The following NLGN1 variants were observed in gnomAD, a reference collection of about 807,000 sequenced individuals.
The protein encoded by NLGN1 is neuroligin-1.
Under a neutral mutation model 65.5 loss-of-function variants are expected in NLGN1, and 12 were observed. That is an observed-to-expected ratio of 0.18 (90% CI 0.12 to 0.30). NLGN1 has a LOEUF of 0.30. Ranked by LOEUF, NLGN1 falls within the 10% of genes least tolerant of loss-of-function variation. The pLI is 1.00. For synonymous variants in NLGN1, 350 were observed against 359.5 expected, an observed-to-expected ratio of 0.97 and a Z score of 0.30; for missense variants, 750 against 1,007.1, an observed-to-expected ratio of 0.74 and a Z score of 3.46.
intron 2 of NLGN1, among the ~76,000 whole-genome samples, chr3:173,539,669 A>ACATATATAACATACATATATGTG (rs1738247241): frequency 7.1e-6 from 1 of 141,108 alleles, no homozygotes; most frequent in African/African-American, 2.7e-5. Flanking sequence ...GTATATATGC[A>ACATATATAACATACATATATGTG]CATATATAAC....
At chr3:173,604,503 T>A in exon 3 of NLGN1, 2 of 1,329,112 alleles carry the variant, frequency 1.5e-6, no homozygotes. Context: ...CTGTAAGAAA[T>A]CGGAGGTATA....
At chr3:173,492,330 T>C (rs1469652171) in intron 2 of NLGN1, among the ~76,000 whole-genome samples, 1 of 151,834 alleles carries the variant, frequency 6.6e-6, no homozygotes. Context: ...ATAGAATCAT[T>C]TAATGAGCCT....
intron 4 of NLGN1, among the ~76,000 whole-genome samples, chr3:174,176,326 C>T (rs1729437317): frequency 6.6e-6 from 1 of 151,772 alleles, no homozygotes; most frequent in African/African-American, 2.4e-5. Flanking sequence ...AGGATTTTTA[C>T]AATAAAAATC....
intron 3 of NLGN1, among the ~76,000 whole-genome samples, chr3:173,650,354 C>T (rs985228340): frequency 6.6e-6 from 1 of 152,016 alleles, no homozygotes; most frequent in Non-Finnish European, 1.5e-5. Context: ...AGATATAGAT[C>T]TGGAATAGAT....
chr3:173,478,836 A>C (rs561300534), intron 2 of NLGN1, among the ~76,000 whole-genome samples: 1 of 152,054 alleles, frequency 6.6e-6, no homozygotes, highest in African/African-American at 2.4e-5. Context: ...CAGTGAGCTG[A>C]GATTGAGAAT....
intron 4 of NLGN1, among the ~76,000 whole-genome samples, chr3:174,262,276 G>T: frequency 1.1e-5 from 1 of 95,058 alleles, no homozygotes. Context: ...GTTCCTCCTT[G>T]TACCTCTGGT....
At chr3:173,800,338 G>A in intron 3 of NLGN1, 3 of 1,214,346 alleles carry the variant, frequency 2.5e-6, no homozygotes, top group South Asian at 1.4e-5. Flanking sequence ...GATAATGACG[G>A]TGCTGAAGAT....
chr3:173,721,177 C>T (rs1770776379), intron 3 of NLGN1, among the ~76,000 whole-genome samples: 1 of 152,164 alleles, frequency 6.6e-6, no homozygotes. Flanking sequence ...TTACAAGTTA[C>T]TTAGGAGAAA....
chr3:173,978,220 C>A (rs1717949170), intron 4 of NLGN1, among the ~76,000 whole-genome samples: 1 of 152,058 alleles, frequency 6.6e-6, no homozygotes, highest in Admixed American at 6.6e-5. Context: ...CACTAAGGAC[C>A]AAATGTCTCT....
chr3:173,862,505 C>CAAAAAAAAAAAAAAAAAAAA (rs10601211), intron 4 of NLGN1, among the ~76,000 whole-genome samples: 1 of 41,708 alleles, frequency 2.4e-5, no homozygotes, highest in Non-Finnish European at 4.9e-5. Context: ...GACTCCGTCT[C>CAAAAAAAAAAAAAAAAAAAA]AAAAAAAAAA....
intron 2 of NLGN1, among the ~76,000 whole-genome samples, chr3:173,566,078 A>G (rs1743610523): frequency 6.6e-6 from 1 of 152,192 alleles, no homozygotes; most frequent in Admixed American, 6.5e-5. Context: ...GCCTATACGG[A>G]GTGAGGTATT....
chr3:173,474,939 C>T (rs1347219578), intron 2 of NLGN1, among the ~76,000 whole-genome samples: 4 of 151,638 alleles, frequency 2.6e-5, no homozygotes, highest in Non-Finnish European at 5.9e-5. Flanking sequence ...GCCTGGGCAA[C>T]AGAGTGAGAC....
At chr3:173,731,016 G>T (rs952490546) in intron 3 of NLGN1, among the ~76,000 whole-genome samples, 2 of 152,170 alleles carry the variant, frequency 1.3e-5, no homozygotes, top group East Asian at 1.9e-4. Flanking sequence ...TCACCAAGGG[G>T]CTATTCTGTC....
intron 2 of NLGN1, among the ~76,000 whole-genome samples, chr3:173,494,494 A>G (rs547557021): frequency 1.1e-4 from 17 of 151,560 alleles, no homozygotes; most frequent in Admixed American, 7.2e-4. Context: ...TTGCTTTCCT[A>G]TTCATTTTCT....
At chr3:174,137,048 T>C (rs1358447051) in intron 4 of NLGN1, among the ~76,000 whole-genome samples, 2 of 152,120 alleles carry the variant, frequency 1.3e-5, no homozygotes, top group African/African-American at 4.8e-5. Context: ...AAAGCCTATA[T>C]ATATGATAAG....
intron 4 of NLGN1, chr3:173,912,575 T>A (rs1279754848): frequency 6.6e-6 from 1 of 152,156 alleles, no homozygotes; most frequent in Non-Finnish European, 1.5e-5. Flanking sequence ...CGTTTCTCAA[T>A]GCAGTATCAT....
At chr3:174,094,486 A>G (rs1446325942) in intron 4 of NLGN1, among the ~76,000 whole-genome samples, 1 of 151,680 alleles carries the variant, frequency 6.6e-6, no homozygotes, top group Non-Finnish European at 1.5e-5. Context: ...CCCAGGATAC[A>G]TGACATTGCT....
intron 2 of NLGN1, among the ~76,000 whole-genome samples, chr3:173,578,215 G>T (rs1348409704): frequency 6.9e-6 from 1 of 144,058 alleles, no homozygotes; most frequent in African/African-American, 2.6e-5. Context: ...CAGCCTGGGC[G>T]ACAGGGCCAG....
At chr3:173,415,642 C>T (rs1446797301) in intron 1 of NLGN1, among the ~76,000 whole-genome samples, 1 of 151,970 alleles carries the variant, frequency 6.6e-6, no homozygotes, top group East Asian at 1.9e-4. Context: ...ATTAAAGGAC[C>T]AATAGGTCAA....
Sources: allele counts gnomAD v4.1 joint callset (sites outside exome capture counted in the v4.1 genomes callset), GRCh38; gene constraint gnomAD v4.1.1; transcripts MANE v1.5; gene names NCBI Gene and HGNC (gene_info 2026-07-23, HGNC 2026-07-21).